PRKDC: variants seen among roughly 807,000 people sequenced by gnomAD.
The protein encoded by PRKDC is DNA-dependent protein kinase catalytic subunit.
PRKDC carries 82 observed loss-of-function variants against 486.9 expected under a neutral mutation model. The ratio of observed to expected loss-of-function variants is 0.17; its 90% CI spans 0.14 to 0.20. The LOEUF (loss-of-function observed/expected upper bound fraction) is 0.20, where lower values mean the gene tolerates loss of function less well. PRKDC is among the 10% of genes least tolerant of loss of function. PRKDC has a pLI of 1.00. For missense variants in PRKDC, 4,504 were observed against 5,038.2 expected, an observed-to-expected ratio of 0.89 and a Z score of 3.21; for synonymous variants, 1,895 against 1,837.0, an observed-to-expected ratio of 1.03 and a Z score of -0.81.
intron 65 of PRKDC, 63 bp downstream of exon 65, chr8:47,821,541 T>C (rs2087595595): frequency 6.7e-7 from 1 of 1,485,240 alleles, no homozygotes; most frequent in Non-Finnish European, 9.2e-7. Flanking sequence ...TTAAACAATT[T>C]TGTTAAGTAG....
chr8:47,859,325 C>A (rs1383287915), intron 46 of PRKDC, among the ~76,000 whole-genome samples: 1 of 152,090 alleles, frequency 6.6e-6, no homozygotes, highest in Non-Finnish European at 1.5e-5. Flanking sequence ...TGCTATGTGA[C>A]CCCCTGAACC....
intron 68 of PRKDC, among the ~76,000 whole-genome samples, chr8:47,809,434 T>A (rs2087282775): frequency 1.3e-5 from 2 of 152,266 alleles, no homozygotes; most frequent in South Asian, 4.1e-4. Flanking sequence ...CATAAATGTC[T>A]CCTACCAGTG....
intron 61 of PRKDC, 52 bp from the exon 62 acceptor site, chr8:47,828,399 T>TA: frequency 7.0e-7 from 1 of 1,425,244 alleles, no homozygotes; most frequent in Admixed American, 2.3e-5. Flanking sequence ...AAAAATGCTA[T>TA]AAATCACCAA....
intron 25 of PRKDC, among the ~76,000 whole-genome samples, chr8:47,910,834 AT>A (rs3842702): frequency 0.22 from 33,476 of 149,154 alleles, 7,149 homozygotes; most frequent in African/African-American, 0.55. Flanking sequence ...ATTCCTAGAC[AT>A]TTTTTTTTTG....
At chr8:47,878,657 AC>A (rs1172880166) in intron 39 of PRKDC, among the ~76,000 whole-genome samples, 2 of 152,108 alleles carry the variant, frequency 1.3e-5, no homozygotes, top group African/African-American at 2.4e-5. Flanking sequence ...TCTAGGAGAT[AC>A]CCTTAATTTT....
chr8:47,934,229 T>G (rs2090307944), intron 14 of PRKDC, 139 bp from the exon 15 acceptor site: 4 of 1,068,156 alleles, frequency 3.7e-6, no homozygotes, highest in African/African-American at 3.3e-5. Flanking sequence ...AGACATCGTA[T>G]TAAAAAAGCA....
At chr8:47,790,546 T>G (rs569907551) in intron 74 of PRKDC, among the ~76,000 whole-genome samples, 1 of 152,266 alleles carries the variant, frequency 6.6e-6, no homozygotes, top group African/African-American at 2.4e-5. Context: ...TTCACAGACA[T>G]AGGAAAAATA....
At chr8:47,837,560 TCAAAA>T in intron 56 of PRKDC, 141 bp from the exon 57 acceptor site, 2 of 628,900 alleles carry the variant, frequency 3.2e-6, no homozygotes, top group Non-Finnish European at 5.5e-6. Context: ...TTCAACTATA[TCAAAA>T]ATATAGTCTG....
At position 47,893,323 on chromosome 8, in the gene PRKDC, G is replaced by A; in HGVS notation, c.3663C>T (p.Ile1221=). 1 of 1,589,386 alleles carries A rather than the reference G, an allele frequency of 6.3e-7. No individual in the cohort carries two copies. The highest frequency in any genetic ancestry group is 1.1e-5 in the South Asian group (1 of 88,684). The change falls in exon 31 of 86, where the codon ATC becomes ATT. Residue 1221 remains isoleucine, a synonymous_variant. Transcript: ENST00000314191. ...VLKEEGVSFL[I]NTFEGGGCGQ... Reference sequence around the variant, plus strand: ...CACAGCCACCCCCCTCAAAGGTGTTGATGAGAAAAGAGACACCTTCTTCCT... The same window carrying A: ...CACAGCCACCCCCCTCAAAGGTGTTAATGAGAAAAGAGACACCTTCTTCCT...
At chr8:47,945,423 A>T (rs1197294141) in intron 7 of PRKDC, among the ~76,000 whole-genome samples, 1 of 152,122 alleles carries the variant, frequency 6.6e-6, no homozygotes, top group African/African-American at 2.4e-5. Context: ...CCCCTCCCCC[A>T]GCCCCAGTAA....
At position 47,855,255 on chromosome 8, in the gene PRKDC, T is replaced by C; in HGVS notation, c.6728A>G (p.Glu2243Gly). ...HNLEIIKTLV[E>G]CWKDCLSIPY... ...GATGGATAAACAATCCTTCCAGCACTCGACAAGGGTCTTTATAATTTCAAG... is the reference window on the plus strand; with the variant it reads ...GATGGATAAACAATCCTTCCAGCACCCGACAAGGGTCTTTATAATTTCAAG... Residue 2243 changes from glutamate to glycine, a missense_variant, in exon 50 of 86, where the codon GAG becomes GGG. This residue lies in a region of PRKDC where 1,592 missense variants were observed against 1,724.6 expected (regional missense o/e 0.92). Coordinates refer to ENST00000314191, the MANE Select transcript of PRKDC (RefSeq NM_006904.7). 6.2e-7 allele frequency: 1 copy of C among 1,604,780 alleles called. No homozygotes were observed. Among genetic ancestry groups the C allele is most frequent in the South Asian group, 1.1e-5 (1 of 89,322 alleles).
intron 62 of PRKDC, among the ~76,000 whole-genome samples, chr8:47,827,127 C>G (rs1039514152): frequency 7.9e-6 from 1 of 126,202 alleles, no homozygotes; most frequent in Non-Finnish European, 1.5e-5. Context: ...ATCACACACA[C>G]ACACACACAC....
At chr8:47,808,752 C>A (rs2087265174) in intron 68 of PRKDC, among the ~76,000 whole-genome samples, 1 of 152,114 alleles carries the variant, frequency 6.6e-6, no homozygotes, top group South Asian at 2.1e-4. Context: ...AAAGCTCATC[C>A]CTGATCAACC....
chr8:47,884,927 C>T (rs1359631075), intron 36 of PRKDC, among the ~76,000 whole-genome samples: 1 of 152,198 alleles, frequency 6.6e-6, no homozygotes, highest in Non-Finnish European at 1.5e-5. Context: ...CAAGAGAACT[C>T]TGAGAACAGA....
intron 38 of PRKDC, among the ~76,000 whole-genome samples, chr8:47,881,087 A>AAGC (rs1563782359): frequency 4.4e-5 from 6 of 134,858 alleles, no homozygotes; most frequent in African/African-American, 2.0e-4. Context: ...AGAAAGCAAG[A>AAGC]AAGCAAGCAA....
At position 47,935,790 on chromosome 8, in the gene PRKDC, C is replaced by T. The variant is rs772883495; in HGVS notation, c.1389G>A (p.Lys463=). The T allele has an allele frequency of 3.7e-5, 59 of 1,613,842 alleles. 1 individual carries two copies. In the South Asian group the frequency reaches 5.9e-4, roughly 16 times the overall value. ...CTTTTGCTGCCAAAGCTAGGAACAC[C>T]TTCACTATGGCTCTGCAACACACCA... The part of the protein sequence containing the change: ...MQLVCCRAIV[K]VFLALAAKGP... The change falls in exon 13 of 86, where the codon AAG becomes AAA. Residue 463 remains lysine, a synonymous_variant. Transcript: ENST00000314191.
intron 64 of PRKDC, among the ~76,000 whole-genome samples, chr8:47,823,580 T>C (rs1185636941): frequency 6.6e-6 from 1 of 152,024 alleles, no homozygotes; most frequent in Non-Finnish European, 1.5e-5. Flanking sequence ...CTAATACAAT[T>C]TCTTTATAAT....
At chr8:47,853,025 T>C (rs985969838) in intron 51 of PRKDC, among the ~76,000 whole-genome samples, 1 of 152,250 alleles carries the variant, frequency 6.6e-6, no homozygotes, top group Non-Finnish European at 1.5e-5. Flanking sequence ...CCGCTGCAGC[T>C]GGACCATCCC....
intron 21 of PRKDC, among the ~76,000 whole-genome samples, chr8:47,925,803 A>C (rs1259176094): frequency 1.3e-5 from 2 of 152,262 alleles, no homozygotes; most frequent in Non-Finnish European, 2.9e-5. Flanking sequence ...AGTACATGCA[A>C]CAACATAAAT....
Sources: gnomAD v4.1 joint callset for allele counts (sites outside exome capture counted in the v4.1 genomes callset) on GRCh38, gnomAD v4.1.1 for gene constraint, gnomAD v4.1.1 regional missense constraint, MANE v1.5 for transcripts, NCBI Gene and HGNC (gene_info 2026-07-23, HGNC 2026-07-21) for gene names.